HADHA: variants seen among roughly 807,000 people sequenced by gnomAD.
HADHA encodes the protein trifunctional enzyme subunit alpha, mitochondrial.
HADHA carries 59 observed loss-of-function variants against 91.3 expected under a neutral mutation model. The observed-to-expected ratio is 0.65, with a 90% CI of 0.52 to 0.80. The LOEUF (loss-of-function observed/expected upper bound fraction) is 0.80, where lower values mean the gene tolerates loss of function less well. Among genes scored for constraint, HADHA ranks in the 30% least tolerant of loss-of-function variants. The probability of loss-of-function intolerance (pLI) is 0.00; values close to 1 mark genes in which losing one functional copy is unlikely to be tolerated. For synonymous variants in HADHA, 320 were observed against 338.9 expected, an observed-to-expected ratio of 0.94 and a Z score of 0.61; for missense variants, 800 against 927.6, an observed-to-expected ratio of 0.86 and a Z score of 1.79.
At chr2:26,238,741 G>A (rs778677997) in intron 3 of HADHA, among the ~76,000 whole-genome samples, 193 bp downstream of exon 3, 1 of 152,144 alleles carries the variant, frequency 6.6e-6, no homozygotes, top group African/African-American at 2.4e-5. Flanking sequence ...GAATTCTTAC[G>A]CAAGAACCTC....
intron 7 of HADHA, among the ~76,000 whole-genome samples, chr2:26,218,291 C>T (rs866949318): frequency 9.1e-5 from 8 of 87,996 alleles, no homozygotes; most frequent in Non-Finnish European, 6.6e-5. Context: ...AAGGGTGAGA[C>T]TCTGTCTCAA....
In HADHA at chr2:26,191,126, A is replaced by G; in HGVS notation, c.*124T>C. Reference sequence around the variant, plus strand: ...TTGGCTGAAGGCACTTTAATCAGGGAGCAAACCCAGTGCCGGAGTTTGTCT... The same window carrying G: ...TTGGCTGAAGGCACTTTAATCAGGGGGCAAACCCAGTGCCGGAGTTTGTCT... On this transcript the variant is annotated 3_prime_UTR_variant, in exon 20 of 20. Coordinates refer to ENST00000380649, the MANE Select transcript of HADHA (RefSeq NM_000182.5). The G allele has an allele frequency of 1.0e-6, 1 of 954,936 alleles. No individual in the cohort carries two copies. The highest frequency in any genetic ancestry group is 2.5e-5 in the East Asian group (1 of 39,424). 59.2% of individuals were successfully genotyped at this position (954,936 alleles called of 1,614,324 possible).
chr2:26,232,971 G>T (rs1483326886), intron 5 of HADHA, among the ~76,000 whole-genome samples: 1 of 151,876 alleles, frequency 6.6e-6, no homozygotes. Flanking sequence ...AACTGGGGGT[G>T]GGGTGGGAGG....
intron 11 of HADHA, among the ~76,000 whole-genome samples, chr2:26,204,840 A>C (rs1270590646): frequency 6.6e-6 from 1 of 152,126 alleles, no homozygotes; most frequent in Non-Finnish European, 1.5e-5. Context: ...CTCCCACATC[A>C]GCCTCCCAAA....
At chr2:26,216,317 A>T (rs1272527568) in intron 7 of HADHA, among the ~76,000 whole-genome samples, 52 of 110,114 alleles carry the variant, frequency 4.7e-4, no homozygotes, top group Admixed American at 6.7e-4. Context: ...CATTTGACCT[A>T]TTTTTTTTTT....
chr2:26,191,718 G>A, intron 18 of HADHA, 90 bp from the exon 19 acceptor site: 1 of 1,321,396 alleles, frequency 7.6e-7, no homozygotes, highest in Non-Finnish European at 1.1e-6. Context: ...CGGGATGGGT[G>A]CATGGGGAGC....
chr2:26,197,918 A>C (rs560608592), intron 13 of HADHA, 141 bp from the exon 14 acceptor site: 1 of 711,120 alleles, frequency 1.4e-6, no homozygotes, highest in East Asian at 2.6e-5. Context: ...ACTCACCCAG[A>C]CATTGACGGA....
intron 1 of HADHA, among the ~76,000 whole-genome samples, chr2:26,241,025 G>C (rs1045047829): frequency 2.0e-5 from 3 of 152,156 alleles, no homozygotes; most frequent in Admixed American, 6.5e-5. Flanking sequence ...TTGGAGTCTA[G>C]CCTTACTCAC....
In HADHA at chr2:26,237,089, C is replaced by T. The variant is rs375983186; in HGVS notation, c.181-101G>A. 2,490 of 875,272 alleles carry T rather than the reference C, an allele frequency of 2.8e-3. 63 individuals are homozygous for T. Among genetic ancestry groups the T allele is most frequent in the South Asian group, 0.028 (2,111 of 75,808 alleles). The allele number at this position is 875,272 out of a possible 1,614,324, so 54.2% of individuals were successfully genotyped here. On this transcript the variant is annotated intron_variant, in intron 3 of 19. Transcript: ENST00000380649. ...TTTGATTATAAGAAATATACTTATC[C>T]GGCAGAAATATACTGTTAGAAGAGA...
intron 11 of HADHA, among the ~76,000 whole-genome samples, chr2:26,206,735 TATA>T (rs1669981475): frequency 6.6e-6 from 1 of 152,214 alleles, no homozygotes; most frequent in Admixed American, 6.5e-5. Context: ...TGAACAGCTA[TATA>T]ATAATGTTTG....
At chr2:26,193,543 A>G in intron 17 of HADHA, 34 bp downstream of exon 17, 1 of 1,523,732 alleles carries the variant, frequency 6.6e-7, no homozygotes, top group Middle Eastern at 1.7e-4. Context: ...TTTGTAACTA[A>G]TGGTGCTAGT....
rs906321278 is a variant in HADHA, at chr2:26,214,472, G to A, written c.889C>T (p.Leu297Phe). The change falls in exon 9 of 20, where the codon CTT (leucine) becomes TTT (phenylalanine). Residue 297 changes from leucine to phenylalanine, a missense_variant. By Grantham distance (22) the Leu-to-Phe change is conservative. Coordinates refer to ENST00000380649, the MANE Select transcript of HADHA (RefSeq NM_000182.5). This position sits in a 1 kb window ranked among gnomAD's most constrained non-coding sequence, Gnocchi z 4.1. ...ATTATTTTCAGAGGTGCAGGATAAA[G>A]GCCTTTAGTCTGCTTTCGCACTTTT... ...EEKVRKQTKG[L>F]YPAPLKIIDV... 5 of 1,578,126 alleles carry A rather than the reference G, an allele frequency of 3.2e-6. No individual in the cohort carries two copies. Among genetic ancestry groups the A allele is most frequent in the Non-Finnish European group, 3.5e-6 (4 of 1,148,902 alleles).
In HADHA at chr2:26,192,320, TAGG is replaced by T; in HGVS notation, c.1987_1989del (p.Pro663del). ...CTCAAACGGACTTACACTTCAGACT[TAGG>T]AGGCAGCTTCAGACTCGCTAAAATA... On this transcript the variant is annotated inframe_deletion, in exon 18 of 20. Transcript: ENST00000380649. 3 of 1,566,624 alleles carry T rather than the reference TAGG, an allele frequency of 1.9e-6. No homozygotes were observed. The highest frequency in any genetic ancestry group is 1.8e-6 in the Non-Finnish European group (2 of 1,136,734).
chr2:26,194,080 G>A (rs1045050691), intron 16 of HADHA, among the ~76,000 whole-genome samples: 20 of 152,198 alleles, frequency 1.3e-4, no homozygotes, highest in African/African-American at 4.8e-4. Flanking sequence ...ACGGCTGAGT[G>A]TGTCATGACC....
In HADHA at chr2:26,212,537, T is replaced by C. The variant is rs1385308377; in HGVS notation, c.975+33A>G. ...ATTGGATCTTTAGTTTTCCTTTAAC[T>C]GATAATAAAACATTGAAAGGAAATA... On this transcript the variant is annotated intron_variant, in intron 10 of 19. Transcript: ENST00000380649. 11 of 1,309,902 alleles carry C rather than the reference T, an allele frequency of 8.4e-6. No homozygotes were observed. The South Asian group carries it at 1.3e-4, about 15-fold the overall frequency. The allele number at this position is 1,309,902 out of a possible 1,614,324, so 81.1% of individuals were successfully genotyped here.
chr2:26,232,786 G>A (rs1256328052), intron 5 of HADHA, among the ~76,000 whole-genome samples: 1 of 152,192 alleles, frequency 6.6e-6, no homozygotes, highest in Non-Finnish European at 1.5e-5. Flanking sequence ...TCTGAGAAAT[G>A]TACCATTAGG....
chr2:26,224,078 G>T (rs1670434521), intron 7 of HADHA, among the ~76,000 whole-genome samples: 1 of 152,150 alleles, frequency 6.6e-6, no homozygotes. Flanking sequence ...ACTTCTCCCA[G>T]TCTACTCCAC....
rs767191953 is a variant in HADHA, at chr2:26,194,532, TG to T, written c.1689+37del. The T allele has an allele frequency of 1.7e-5, 21 of 1,225,228 alleles. No individual in the cohort carries two copies. In the African/African-American group the frequency reaches 3.0e-4, roughly 17 times the overall value. The allele number at this position is 1,225,228 out of a possible 1,614,324, so 75.9% of individuals were successfully genotyped here. A position where few individuals can be genotyped will look rare whatever the true frequency, so the allele number is the denominator to read the frequency against. ...ATGAGTTTTAGAGTGACTGAAGGAG[TG>T]GAAGATGCCGCAAACACTCTGGAGA... On this transcript the variant is annotated intron_variant, in intron 16 of 19. Transcript: ENST00000380649.
chr2:26,232,076 A>C (rs766797457), intron 6 of HADHA, 84 bp downstream of exon 6: 1 of 963,996 alleles, frequency 1.0e-6, no homozygotes, highest in Non-Finnish European at 1.7e-6. Flanking sequence ...TTAATTCTAC[A>C]ATGAATGCCC....
Sources: gnomAD v4.1 joint callset for allele counts (sites outside exome capture counted in the v4.1 genomes callset) on GRCh38, gnomAD v4.1.1 for gene constraint, Gnocchi (gnomAD v3.1) non-coding constraint, MANE v1.5 for transcripts, NCBI Gene and HGNC (gene_info 2026-07-23, HGNC 2026-07-21) for gene names.